PER3: variants seen among roughly 807,000 people sequenced by gnomAD.
The protein encoded by PER3 is period circadian regulator 3, also known as period circadian protein homolog 3.
Under a neutral mutation model 127.2 loss-of-function variants are expected in PER3, and 107 were observed. That is an observed-to-expected ratio of 0.84 (90% CI 0.72 to 0.99). PER3 has a LOEUF of 0.99. Among genes scored for constraint, PER3 ranks in the 50% least tolerant of loss-of-function variants. The probability of loss-of-function intolerance (pLI) is 0.00; values close to 1 mark genes in which losing one functional copy is unlikely to be tolerated. For synonymous variants in PER3, 618 were observed against 585.8 expected (o/e 1.05, Z -0.79); for missense variants, 1,560 against 1,525.8 (o/e 1.02, Z -0.37).
chr1:7,814,277 AAAAAC>A (rs1169051720), intron 13 of PER3, among the ~76,000 whole-genome samples: 1 of 152,238 alleles, frequency 6.6e-6, no homozygotes, highest in Non-Finnish European at 1.5e-5. Context: ...AATACAGAAC[AAAAAC>A]AAAACAAAAC....
At position 7,843,122 on chromosome 1, in the gene PER3, C is replaced by T. The variant is rs1318319437; in HGVS notation, c.*367C>T. 2.6e-5 allele frequency: 4 copies of T among 155,490 alleles called. No individual in the cohort carries two copies. Among genetic ancestry groups the T allele is most frequent in the Non-Finnish European group, 5.7e-5 (4 of 69,770 alleles). 9.6% of individuals were successfully genotyped at this position (155,490 alleles called of 1,614,324 possible). A position where few individuals can be genotyped will look rare whatever the true frequency, so the allele number is the denominator to read the frequency against. ...TAGCCTCATTTATTTTGTTCTGTTACATAAGTCATTTTCCCCTTAGAGTGC... is the reference window on the plus strand; with the variant it reads ...TAGCCTCATTTATTTTGTTCTGTTATATAAGTCATTTTCCCCTTAGAGTGC... On this transcript the variant is annotated 3_prime_UTR_variant, in exon 22 of 22. Transcript: ENST00000377532.
In PER3 at chr1:7,785,468, T is replaced by G. The variant is rs370585303; in HGVS notation, c.156T>G (p.Ser52=). Residue 52 remains serine (S), a synonymous_variant, in exon 3 of 22, where the codon TCT becomes TCG. Coordinates refer to ENST00000377532, the MANE Select transcript of PER3 (RefSeq NM_001377275.1). ...HSEQQDRNRV[S]EELIMVVQEM... is the part of the protein sequence containing the mutation. ...AACAGCAAGATCGAAACAGAGTTTC[T>G]GAAGAACTTATCATGGTTGTCCAAG... The G allele has an allele frequency of 2.5e-6, 4 of 1,612,900 alleles. No homozygotes were observed. Among genetic ancestry groups the G allele is most frequent in the East Asian group, 2.2e-5 (1 of 44,884 alleles).
intron 16 of PER3, among the ~76,000 whole-genome samples, chr1:7,822,047 T>C (rs2097279243): frequency 6.6e-6 from 1 of 152,150 alleles, no homozygotes; most frequent in African/African-American, 2.4e-5. Flanking sequence ...AATCAAGTAT[T>C]GACCATTAGT....
chr1:7,798,159 C>G (rs920172270), intron 6 of PER3, among the ~76,000 whole-genome samples: 5 of 152,206 alleles, frequency 3.3e-5, no homozygotes, highest in Non-Finnish European at 7.3e-5. Context: ...CCTGTTTTCT[C>G]TCTTGTGACA....
Position 7,810,483 on chromosome 1 carries a change from C to G in PER3, c.1417C>G (p.Leu473Val). The change falls in exon 13 of 22, where the codon CTG becomes GTG. Residue 473 changes from leucine to valine, a missense_variant. This residue lies in a region of PER3 where 1,332 missense variants were observed against 1,223.6 expected (regional missense o/e 1.09). Transcript: ENST00000377532. ...TGCCAGTGTGAACAAAATTAAAAAT[C>G]TGGGTCAGCAGCTCTACATTGAGTC... is the stretch of plus-strand genomic sequence containing the variant. ...VYASVNKIKN[L>V]GQQLYIESMT... 6.2e-7 allele frequency: 1 copy of G among 1,612,588 alleles called. No individual in the cohort carries two copies. Among genetic ancestry groups the G allele is most frequent in the Non-Finnish European group, 8.5e-7 (1 of 1,179,042 alleles).
chr1:7,808,232 CA>C (rs60220289), intron 10 of PER3, among the ~76,000 whole-genome samples: 223 of 97,694 alleles, frequency 2.3e-3, no homozygotes, highest in South Asian at 4.5e-3. Flanking sequence ...GACTCTGTCT[CA>C]AAAAAAAAAA....
At chr1:7,787,476 TG>T (rs1451705297) in intron 4 of PER3, 7 of 465,198 alleles carry the variant, frequency 1.5e-5, no homozygotes, top group Admixed American at 1.4e-4. Context: ...TACATAGTAC[TG>T]TAGGAGGTGC....
chr1:7,809,797 T>C (rs541878395), intron 11 of PER3, 96 bp from the exon 12 acceptor site: 141 of 1,164,702 alleles, frequency 1.2e-4, no homozygotes, highest in Non-Finnish European at 1.6e-4. Context: ...ATTTCAGGAA[T>C]TGTCATCTTA....
At chr1:7,820,314 T>C (rs2097270321) in intron 15 of PER3, 75 bp downstream of exon 15, 4 of 1,511,326 alleles carry the variant, frequency 2.6e-6, no homozygotes, top group African/African-American at 2.8e-5. Flanking sequence ...TAATGTCTTA[T>C]ATTGTTATAA....
rs10462018 is a variant in PER3, at chr1:7,819,567, C to G, written c.1658+147C>G. ...ACGTTTATGGCGTGCCTAACACATA[C>G]GCTGAACATTTCAGAAGGCACAAAA... On this transcript the variant is annotated intron_variant, in intron 14 of 21. Transcript: ENST00000377532. 3.3e-3 allele frequency: 2,244 copies of G among 688,198 alleles called. 15 individuals are homozygous for G. Among genetic ancestry groups the G allele is most frequent in the Non-Finnish European group, 2.8e-3 (1,123 of 400,082 alleles). 42.6% of individuals were successfully genotyped at this position (688,198 alleles called of 1,614,324 possible). A position where few individuals can be genotyped will look rare whatever the true frequency, so the allele number is the denominator to read the frequency against.
chr1:7,798,406 AT>A, intron 6 of PER3, 118 bp from the exon 7 acceptor site: 1 of 749,878 alleles, frequency 1.3e-6, no homozygotes. Flanking sequence ...ATGTTTAAAC[AT>A]TTTAGATGTG....
At chr1:7,792,106 A>G (rs901246178) in intron 5 of PER3, among the ~76,000 whole-genome samples, 3 of 152,218 alleles carry the variant, frequency 2.0e-5, no homozygotes, top group Non-Finnish European at 4.4e-5. Flanking sequence ...CATGCTGCTA[A>G]TAAAGACATA....
intron 18 of PER3, among the ~76,000 whole-genome samples, chr1:7,828,532 T>C (rs949848731): frequency 6.6e-6 from 1 of 152,212 alleles, no homozygotes; most frequent in Non-Finnish European, 1.5e-5. Flanking sequence ...ACAATACCCT[T>C]CTTTAACAGA....
intron 13 of PER3, among the ~76,000 whole-genome samples, chr1:7,813,967 G>A (rs895142282): frequency 2.0e-5 from 3 of 152,182 alleles, no homozygotes; most frequent in Admixed American, 1.3e-4. Context: ...TGCAGGACCG[G>A]GTGGGTAATC....
At position 7,803,017 on chromosome 1, in the gene PER3, TGCCAC is replaced by T; in HGVS notation, c.873-29_873-25del. ...GTGTATAAGAATTACCTGATGAGTA[TGCCAC>T]CTGTGTTGTGTATCTGTATCCCAGA... On this transcript the variant is annotated intron_variant, in intron 8 of 21. Transcript: ENST00000377532. The T allele has an allele frequency of 3.5e-6, 4 of 1,130,682 alleles. 1 individual carries two copies. Among genetic ancestry groups the T allele is most frequent in the Non-Finnish European group, 5.4e-6 (4 of 738,168 alleles). 70.0% of individuals were successfully genotyped at this position (1,130,682 alleles called of 1,614,324 possible). A position where few individuals can be genotyped will look rare whatever the true frequency, so the allele number is the denominator to read the frequency against.
chr1:7,832,616 G>T (rs986017616), intron 19 of PER3, among the ~76,000 whole-genome samples: 11 of 151,676 alleles, frequency 7.3e-5, no homozygotes, highest in Non-Finnish European at 1.3e-4. Flanking sequence ...CTCATGATTC[G>T]CCCGCCTTGG....
chr1:7,785,008 G>A lies in PER3; in HGVS notation c.128+3G>A. On this transcript the variant is annotated splice_donor_region_variant and intron_variant, in intron 2 of 21. Coordinates refer to ENST00000377532, the MANE Select transcript of PER3 (RefSeq NM_001377275.1). ...AAATTGGCGGACAGCAGCCACAGGTGACGCGCTGGCTTCAGGCCGAGGGCC... is the reference window on the plus strand; with the variant it reads ...AAATTGGCGGACAGCAGCCACAGGTAACGCGCTGGCTTCAGGCCGAGGGCC... 3.2e-6 allele frequency: 5 copies of A among 1,572,792 alleles called. No individual in the cohort carries two copies. Among genetic ancestry groups the A allele is most frequent in the Non-Finnish European group, 4.3e-6 (5 of 1,165,910 alleles).
intron 21 of PER3, among the ~76,000 whole-genome samples, chr1:7,841,497 G>C (rs940413796): frequency 1.3e-5 from 2 of 152,110 alleles, no homozygotes; most frequent in Non-Finnish European, 2.9e-5. Context: ...ATGGGTAGTT[G>C]CTGCTGTGCT....
Position 7,803,745 on chromosome 1 carries a change from A to T in PER3, c.1033A>T (p.Thr345Ser). 6.2e-7 allele frequency: 1 copy of T among 1,609,734 alleles called. No homozygotes were observed. Residue 345 changes from threonine (T) to serine (S), a missense_variant, in exon 10 of 22, where the codon ACT becomes TCT. Thr to Ser is a moderately conservative substitution (Grantham distance 58). This residue lies in a region of PER3 where 1,332 missense variants were observed against 1,223.6 expected (regional missense o/e 1.09). Coordinates refer to ENST00000377532, the MANE Select transcript of PER3 (RefSeq NM_001377275.1). ...PFEHSPIRFC[T>S]QNGDYIILDS... ...TGAACATTCTCCCATTCGATTTTGT[A>T]CTCAAAACGGAGACTACATCATACT... is the stretch of plus-strand genomic sequence containing the variant.
Sources: allele counts gnomAD v4.1 joint callset (sites outside exome capture counted in the v4.1 genomes callset), GRCh38; gene constraint gnomAD v4.1.1; regional missense constraint gnomAD v4.1.1; transcripts MANE v1.5; gene names NCBI Gene and HGNC (gene_info 2026-07-23, HGNC 2026-07-21).